VPS54: variants seen among roughly 807,000 people sequenced by gnomAD.
VPS54 encodes the protein vacuolar protein sorting-associated protein 54.
In VPS54, 45 loss-of-function variants were observed where a neutral mutation model predicts 121.5. The observed-to-expected ratio is 0.37, with a 90% CI of 0.29 to 0.47. VPS54 has a LOEUF of 0.47. Among genes scored for constraint, VPS54 ranks in the 20% least tolerant of loss-of-function variants. The pLI is 0.99. For missense variants in VPS54, 1,090 were observed against 1,131.4 expected, an observed-to-expected ratio of 0.96 and a Z score of 0.52; for synonymous variants, 371 against 385.8, an observed-to-expected ratio of 0.96 and a Z score of 0.45.
chr2:63,912,105 G>C (rs755109102), intron 20 of VPS54, among the ~76,000 whole-genome samples: 66 of 152,022 alleles, frequency 4.3e-4, no homozygotes, highest in Non-Finnish European at 1.5e-4. Context: ...AAATTTTGTT[G>C]AGTTGTTTTC....
chr2:63,996,583 T>C (rs1677604760), intron 1 of VPS54, among the ~76,000 whole-genome samples: 1 of 152,222 alleles, frequency 6.6e-6, no homozygotes, highest in South Asian at 2.1e-4. Flanking sequence ...AGAGCCATAT[T>C]TCTCTTATTG....
chr2:63,988,693 C>T (rs991038174), intron 1 of VPS54, among the ~76,000 whole-genome samples: 1 of 152,142 alleles, frequency 6.6e-6, no homozygotes, highest in Non-Finnish European at 1.5e-5. Context: ...ATCCCATCAT[C>T]TTCGTAAAAT....
intron 17 of VPS54, 57 bp downstream of exon 17, chr2:63,914,125 C>T (rs1673272738): frequency 7.5e-7 from 1 of 1,325,762 alleles, no homozygotes; most frequent in South Asian, 1.2e-5. Flanking sequence ...ATTAGTCACA[C>T]CCTAATGTAT....
chr2:63,983,009 T>C (rs1676867942), intron 2 of VPS54, among the ~76,000 whole-genome samples: 1 of 152,138 alleles, frequency 6.6e-6, no homozygotes, highest in Non-Finnish European at 1.5e-5. Flanking sequence ...ATACACAATA[T>C]GCAAATGATG....
intron 20 of VPS54, among the ~76,000 whole-genome samples, chr2:63,901,905 C>T (rs1022112693): frequency 2.0e-5 from 3 of 152,158 alleles, no homozygotes; most frequent in Admixed American, 2.0e-4. Context: ...ATCCTAGCTA[C>T]TTGGAAGGCT....
rs574888425 is a variant in VPS54, at chr2:63,968,211, ATC to A, written c.492+744_492+745del. Among the ~76,000 whole-genome samples, 491 of 152,276 alleles carry A rather than the reference ATC, an allele frequency of 3.2e-3. 1 individual carries two copies. The highest frequency in any genetic ancestry group is 5.7e-3 in the Non-Finnish European group (387 of 68,018). Reference sequence around the variant, plus strand: ...CTTCCCAGAAAAAAATGGATTATACATCTCGACAAAATTTTTCATACAAAGTA... The same window carrying A: ...CTTCCCAGAAAAAAATGGATTATACATCGACAAAATTTTTCATACAAAGTA... On this transcript the variant is annotated intron_variant, in intron 5 of 22. Transcript: ENST00000272322.
chr2:63,991,001 G>T (rs996571921), intron 1 of VPS54, among the ~76,000 whole-genome samples: 4 of 152,120 alleles, frequency 2.6e-5, no homozygotes, highest in African/African-American at 9.7e-5. Flanking sequence ...TTTCGTATCT[G>T]GTGGTCACAA....
intron 1 of VPS54, among the ~76,000 whole-genome samples, chr2:64,012,664 CTA>C (rs1678482591): frequency 6.6e-6 from 1 of 150,804 alleles, no homozygotes; most frequent in African/African-American, 2.4e-5. Context: ...TTCCCCAATT[CTA>C]TCTTTAATCT....
chr2:63,909,403 T>A (rs559958079), intron 20 of VPS54, among the ~76,000 whole-genome samples: 1 of 150,208 alleles, frequency 6.7e-6, no homozygotes, highest in South Asian at 2.1e-4. Flanking sequence ...TACCCTTACT[T>A]ATTAGCTGCC....
chr2:63,909,708 T>A (rs112857443), intron 20 of VPS54, among the ~76,000 whole-genome samples: 27,655 of 141,624 alleles, frequency 0.2, 3,358 homozygotes, highest in Non-Finnish European at 0.26. Context: ...GTAAGCGACC[T>A]CGCCTGGCCG....
intron 7 of VPS54, among the ~76,000 whole-genome samples, chr2:63,959,753 G>T (rs982844868): frequency 6.6e-6 from 1 of 152,100 alleles, no homozygotes; most frequent in East Asian, 1.9e-4. Context: ...AGGCACGGTA[G>T]CTCACACTTG....
intron 20 of VPS54, among the ~76,000 whole-genome samples, chr2:63,907,062 C>CT (rs1279190950): frequency 2.0e-5 from 3 of 152,080 alleles, no homozygotes; most frequent in Non-Finnish European, 4.4e-5. Flanking sequence ...AAATGATAGT[C>CT]TTTTTAACAA....
At chr2:63,950,515 T>C (rs1323527520) in intron 7 of VPS54, among the ~76,000 whole-genome samples, 1 of 152,182 alleles carries the variant, frequency 6.6e-6, no homozygotes, top group Non-Finnish European at 1.5e-5. Context: ...ATTGGCAAGG[T>C]ACTTCCTGAC....
Position 63,933,922 on chromosome 2 carries a change from T to C in VPS54, c.1490A>G (p.Asn497Ser), listed in dbSNP as rs777913033. 2 of 1,613,736 alleles carry C rather than the reference T, an allele frequency of 1.2e-6. No individual in the cohort carries two copies. The highest frequency in any genetic ancestry group is 1.7e-6 in the Non-Finnish European group (2 of 1,179,798). The change falls in exon 12 of 23, where the codon AAT becomes AGT. Residue 497 changes from asparagine to serine, a missense_variant. Asn to Ser is a conservative substitution (Grantham distance 46). Coordinates refer to ENST00000272322, the MANE Select transcript of VPS54 (RefSeq NM_016516.3). ...GTCCAGTGAATTATCTTTTGCAGCA[T>C]TCTTCTGTTGTGAAATCTCTTCCAA... is the stretch of plus-strand genomic sequence containing the variant. ...RELEEISQQK[N>S]AAKDNSLDTE... is the part of the protein sequence containing the mutation.
chr2:63,970,312 T>TATATATAGATATATATAGATATATATA, intron 4 of VPS54, among the ~76,000 whole-genome samples: 1 of 147,676 alleles, frequency 6.8e-6, no homozygotes, highest in African/African-American at 2.5e-5. Flanking sequence ...TAGATATAGA[T>TATATATAGATATATATAGATATATATA]AAAACCCAGG....
intron 13 of VPS54, among the ~76,000 whole-genome samples, 166 bp downstream of exon 13, chr2:63,921,040 T>G (rs1673617664): frequency 6.6e-6 from 1 of 152,184 alleles, no homozygotes; most frequent in East Asian, 1.9e-4. Context: ...TTTAGATTAC[T>G]TCATATCTCA....
intron 1 of VPS54, among the ~76,000 whole-genome samples, chr2:63,992,267 A>G (rs571969837): frequency 6.6e-6 from 1 of 152,346 alleles, no homozygotes; most frequent in Admixed American, 6.5e-5. Context: ...TTTCTGAACA[A>G]CAGCCTACCT....
intron 1 of VPS54, among the ~76,000 whole-genome samples, chr2:63,993,641 G>C (rs534748657): frequency 6.6e-6 from 1 of 152,152 alleles, no homozygotes; most frequent in African/African-American, 2.4e-5. Flanking sequence ...AAATCGGCTC[G>C]AAGTTCAAGT....
chr2:63,980,434 G>T (rs1238739340), intron 3 of VPS54, among the ~76,000 whole-genome samples: 1 of 151,962 alleles, frequency 6.6e-6, no homozygotes, highest in Non-Finnish European at 1.5e-5. Context: ...TAGATTTGGT[G>T]TAATTACTGA....
Sources: allele counts gnomAD v4.1 joint callset (sites outside exome capture counted in the v4.1 genomes callset), GRCh38; gene constraint gnomAD v4.1.1; transcripts MANE v1.5; gene names NCBI Gene and HGNC (gene_info 2026-07-23, HGNC 2026-07-21).